Variants in SLC2A12 observed in about 807,000 individuals in gnomAD.
SLC2A12 encodes solute carrier family 2 member 12.
In SLC2A12, 23 loss-of-function variants were observed where a neutral mutation model predicts 41.8. The ratio of observed to expected loss-of-function variants is 0.55; its 90% CI spans 0.40 to 0.78. The LOEUF (loss-of-function observed/expected upper bound fraction) is 0.78. Among genes scored for constraint, SLC2A12 ranks in the 30% least tolerant of loss-of-function variants. SLC2A12 has a pLI of 0.00. For missense variants in SLC2A12, 654 were observed against 745.6 expected (o/e 0.88, Z 1.43); for synonymous variants, 295 against 285.9 (o/e 1.03, Z -0.32).
intron 1 of SLC2A12, among the ~76,000 whole-genome samples, chr6:134,037,135 C>G (rs1337742965): frequency 6.9e-6 from 1 of 145,154 alleles, no homozygotes; most frequent in African/African-American, 2.6e-5. Context: ...CCCAGGGAAA[C>G]TCGATTCAAT....
chr6:134,025,546 T>C (rs554471574), intron 2 of SLC2A12, among the ~76,000 whole-genome samples: 33 of 152,306 alleles, frequency 2.2e-4, no homozygotes, highest in African/African-American at 7.7e-4. Context: ...CAGAATGTTT[T>C]CTCTTTTGTT....
rs571027180 is a variant in SLC2A12 at position 134,028,843 on chromosome 6, C to T, written c.982G>A (p.Val328Ile). 4.3e-6 allele frequency: 7 copies of T among 1,614,174 alleles called. No homozygotes were observed. The Admixed American group carries it at 1.2e-4, about 27-fold the overall frequency. The change falls in exon 2 of 5, where the codon GTC becomes ATC. Residue 328 changes from valine to isoleucine, a missense_variant. By Grantham distance (29) the Val-to-Ile change is conservative. Transcript: ENST00000275230. ...AGAGTGGCAGGGATGGTGCTAATGA[C>T]CTTGACGACTCCAACCCCAGTGGAG... is the stretch of plus-strand genomic sequence containing the variant. ...LASTGVGVVK[V>I]ISTIPATLLV...
chr6:134,005,102 G>T (rs1776796237), intron 3 of SLC2A12, among the ~76,000 whole-genome samples: 1 of 152,154 alleles, frequency 6.6e-6, no homozygotes, highest in Non-Finnish European at 1.5e-5. Context: ...ATGTTTACAA[G>T]TTGGAGCTAG....
chr6:133,993,404 G>GCATCT (rs1776648345), intron 4 of SLC2A12, among the ~76,000 whole-genome samples: 1 of 152,162 alleles, frequency 6.6e-6, no homozygotes, highest in Non-Finnish European at 1.5e-5. Flanking sequence ...TCAGGCTTCT[G>GCATCT]CATCTCACCA....
intron 2 of SLC2A12, among the ~76,000 whole-genome samples, chr6:134,015,767 A>G (rs1057434874): frequency 2.6e-5 from 4 of 152,172 alleles, no homozygotes; most frequent in African/African-American, 9.7e-5. Flanking sequence ...TAAACTTCCA[A>G]ATTAGAACCT....
At chr6:134,010,661 T>C (rs936934907) in intron 2 of SLC2A12, among the ~76,000 whole-genome samples, 1 of 152,182 alleles carries the variant, frequency 6.6e-6, no homozygotes, top group Non-Finnish European at 1.5e-5. Context: ...ATGAAACTCA[T>C]ATTTCACATG....
chr6:134,051,777 G>A (rs1456321551), intron 1 of SLC2A12, among the ~76,000 whole-genome samples: 1 of 152,172 alleles, frequency 6.6e-6, no homozygotes, highest in East Asian at 1.9e-4. Flanking sequence ...GCAGAACCCA[G>A]CAAAGCAAGC....
In SLC2A12 at chr6:133,989,204, T is replaced by G. The variant is rs562698952; in HGVS notation, c.*1951A>C. Reference sequence around the variant, plus strand: ...AAGTACTGTAAATTTTTTTTATAAATAAAAACTGTGAATATATATGTACAA... The same window carrying G: ...AAGTACTGTAAATTTTTTTTATAAAGAAAAACTGTGAATATATATGTACAA... On this transcript the variant is annotated 3_prime_UTR_variant, in exon 5 of 5. Transcript: ENST00000275230. 461 of 152,290 alleles carry G rather than the reference T, an allele frequency of 3.0e-3. 3 individuals are homozygous for G. The highest frequency in any genetic ancestry group is 0.011 in the African/African-American group (441 of 41,566). 9.4% of individuals were successfully genotyped at this position (152,290 alleles called of 1,614,324 possible). A position where few individuals can be genotyped will look rare whatever the true frequency, so the allele number is the denominator to read the frequency against.
chr6:134,029,269 T>C lies in SLC2A12; in HGVS notation c.556A>G (p.Asn186Asp). The change falls in exon 2 of 5, where the codon AAT (asparagine) becomes GAT (aspartate). Residue 186 changes from asparagine (N) to aspartate (D), a missense_variant. Physicochemically the swap from Asn to Asp is conservative, Grantham distance 23. This residue lies in a region of SLC2A12 where 411 missense variants were observed against 412.1 expected (regional missense o/e 1.00). Coordinates refer to ENST00000275230, the MANE Select transcript of SLC2A12 (RefSeq NM_145176.3). Reference protein sequence around the residue: ...VIGILSAYISNYAFANVFHGW... With the variant: ...VIGILSAYISDYAFANVFHGW... ...TGGAAAACATTGGCAAATGCGTAAT[T>C]TGAAATATAGGCAGAAAGAATGCCG... The C allele has an allele frequency of 3.1e-6, 5 of 1,614,126 alleles. No homozygotes were observed. The highest frequency in any genetic ancestry group is 4.2e-6 in the Non-Finnish European group (5 of 1,180,038).
rs905752567 is a variant in SLC2A12 at position 134,029,775 on chromosome 6, A to G, written c.104-54T>C. The stretch of plus-strand genomic sequence containing the variant: ...TCAGTTCTCAGTTGAGATTTTAAAC[A>G]TTTTGTATTTGAGCGGAGATTTAAC... On this transcript the variant is annotated intron_variant, in intron 1 of 4. Coordinates refer to ENST00000275230, the MANE Select transcript of SLC2A12 (RefSeq NM_145176.3). 3.3e-5 allele frequency: 51 copies of G among 1,525,424 alleles called. No homozygotes were observed. In the African/African-American group the frequency reaches 5.5e-4, roughly 16 times the overall value. The allele number at this position is 1,525,424 out of a possible 1,614,324, so 94.5% of individuals were successfully genotyped here.
chr6:133,990,454 T>A lies in SLC2A12; in HGVS notation c.*701A>T, dbSNP rs1219059779. 6.6e-6 allele frequency: 1 copy of A among 152,630 alleles called. No individual in the cohort carries two copies. The highest frequency in any genetic ancestry group is 1.9e-4 in the East Asian group (1 of 5,206). The allele number at this position is 152,630 out of a possible 1,614,324, so 9.5% of individuals were successfully genotyped here. On this transcript the variant is annotated 3_prime_UTR_variant, in exon 5 of 5. Transcript: ENST00000275230. ...AAAATTGTCTTTTCTATGCATTTTT[T>A]AAAAATGGAAAAAAATGCTCATTTT...
chr6:133,998,872 G>A (rs571317502), intron 4 of SLC2A12, among the ~76,000 whole-genome samples: 1 of 152,156 alleles, frequency 6.6e-6, no homozygotes, highest in Non-Finnish European at 1.5e-5. Context: ...TGCTCCCTGA[G>A]TTAGTAGATG....
intron 2 of SLC2A12, among the ~76,000 whole-genome samples, chr6:134,009,513 C>T (rs1053424732): frequency 1.3e-5 from 2 of 152,110 alleles, no homozygotes; most frequent in African/African-American, 4.8e-5. Context: ...AAGGATGGCT[C>T]AACCTCCCAA....
At chr6:134,001,583 T>C (rs1776754751) in intron 4 of SLC2A12, among the ~76,000 whole-genome samples, 2 of 152,220 alleles carry the variant, frequency 1.3e-5, no homozygotes, top group South Asian at 4.1e-4. Context: ...ACCTTGTACG[T>C]ACATATTGGT....
chr6:134,014,904 A>G (rs1040538228), intron 2 of SLC2A12, among the ~76,000 whole-genome samples: 2 of 152,232 alleles, frequency 1.3e-5, no homozygotes, highest in African/African-American at 4.8e-5. Flanking sequence ...GTTCTATTAG[A>G]TACTGCTGCT....
chr6:134,007,652 A>T (rs999181075), intron 2 of SLC2A12, among the ~76,000 whole-genome samples: 5 of 152,200 alleles, frequency 3.3e-5, no homozygotes, highest in Non-Finnish European at 5.9e-5. Context: ...ATGGGATCAG[A>T]TGGGGCAATA....
intron 2 of SLC2A12, among the ~76,000 whole-genome samples, chr6:134,013,285 C>T (rs747245475): frequency 1.3e-5 from 2 of 151,860 alleles, no homozygotes; most frequent in Non-Finnish European, 2.9e-5. Flanking sequence ...GAAATTCTGT[C>T]TCAAACAATA....
chr6:134,017,028 G>A (rs1182771507), intron 2 of SLC2A12, among the ~76,000 whole-genome samples: 1 of 151,868 alleles, frequency 6.6e-6, no homozygotes, highest in Admixed American at 6.6e-5. Flanking sequence ...ATGAAACCAA[G>A]GTAGGAATAA....
rs77714594 is a variant in SLC2A12 at position 134,041,284 on chromosome 6, A to G, written c.103+11094T>C. Reference sequence around the variant, plus strand: ...TCACTGTCTTGCCTATCCAGCCCAGAGTTGTTGAAATCATGGAAATTGGAG... The same window carrying G: ...TCACTGTCTTGCCTATCCAGCCCAGGGTTGTTGAAATCATGGAAATTGGAG... On this transcript the variant is annotated intron_variant, in intron 1 of 4. Transcript: ENST00000275230. Among the ~76,000 whole-genome samples the G allele has an allele frequency of 3.2e-3, 483 of 152,220 alleles. 2 individuals are homozygous for G. Among genetic ancestry groups the G allele is most frequent in the African/African-American group, 0.01 (429 of 41,548 alleles).
Sources: gnomAD v4.1 joint callset for allele counts (sites outside exome capture counted in the v4.1 genomes callset) on GRCh38, gnomAD v4.1.1 for gene constraint, gnomAD v4.1.1 regional missense constraint, MANE v1.5 for transcripts, NCBI Gene and HGNC (gene_info 2026-07-23, HGNC 2026-07-21) for gene names.